The following SLC44A5 variants were observed in gnomAD, a reference collection of about 807,000 sequenced individuals.
SLC44A5 encodes solute carrier family 44 member 5.
In SLC44A5, 57 loss-of-function variants were observed where a neutral mutation model predicts 101.8. That is an observed-to-expected ratio of 0.56 (90% CI 0.45 to 0.70). SLC44A5 has a LOEUF of 0.70. Ranked by LOEUF, SLC44A5 falls within the 30% of genes least tolerant of loss-of-function variation. The pLI is 0.00. For missense variants in SLC44A5, 737 were observed against 853.1 expected (o/e 0.86, Z 1.70); for synonymous variants, 281 against 290.9 (o/e 0.97, Z 0.35).
chr1:75,674,992 C>T, the SLC44A5 span, among the ~76,000 whole-genome samples: 1 of 152,076 alleles, frequency 6.6e-6, no homozygotes, highest in Non-Finnish European at 1.5e-5. Flanking sequence ...GTACTAGTAC[C>T]ATGCTCTTTG....
chr1:75,356,547 A>G (rs1455902354), intron 3 of SLC44A5, among the ~76,000 whole-genome samples: 1 of 152,104 alleles, frequency 6.6e-6, no homozygotes, highest in Non-Finnish European at 1.5e-5. Flanking sequence ...TTTAAATTTT[A>G]AAGTAAAAAA....
chr1:75,253,689 C>T (rs1649771756), intron 6 of SLC44A5, among the ~76,000 whole-genome samples: 1 of 152,122 alleles, frequency 6.6e-6, no homozygotes, highest in Non-Finnish European at 1.5e-5. Flanking sequence ...GTATTTAAAA[C>T]TGTGAATGGT....
chr1:75,711,688 A>T, the SLC44A5 span, among the ~76,000 whole-genome samples: 1 of 152,208 alleles, frequency 6.6e-6, no homozygotes, highest in African/African-American at 2.4e-5. Context: ...CTTTCAAGGA[A>T]TATAGTGACT....
chr1:75,669,550 T>C, the SLC44A5 span, among the ~76,000 whole-genome samples: 1 of 152,246 alleles, frequency 6.6e-6, no homozygotes, highest in Non-Finnish European at 1.5e-5. Context: ...CCGAGATTGA[T>C]AAGGAGTTCT....
At chr1:75,555,749 T>G (rs943752388) in intron 1 of SLC44A5, among the ~76,000 whole-genome samples, 2 of 152,086 alleles carry the variant, frequency 1.3e-5, no homozygotes, top group Admixed American at 6.6e-5. Flanking sequence ...TGGGAAATGT[T>G]CCACTAGACT....
intron 2 of SLC44A5, among the ~76,000 whole-genome samples, chr1:75,406,382 T>C (rs760801691): frequency 6.6e-6 from 1 of 152,134 alleles, no homozygotes; most frequent in Non-Finnish European, 1.5e-5. Context: ...ATCATCCTAA[T>C]ACCAAAACCT....
rs1290407290 is a variant in SLC44A5 at position 75,211,892 on chromosome 1, T to TTC, written c.1963-342_1963-341dup. Among the ~76,000 whole-genome samples the TTC allele has an allele frequency of 7.3e-5, 11 of 150,260 alleles. No homozygotes were observed. In the Admixed American group the frequency reaches 7.3e-4, roughly 10 times the overall value. ...TCCCTTCCTCCCTTCCTTCCTTCCT[T>TTC]TCTCTCTCTCTCTTTCTCTTTCTTC... On this transcript the variant is annotated intron_variant, in intron 22 of 23. Transcript: ENST00000370859.
chr1:75,657,715 A>T, the SLC44A5 span, among the ~76,000 whole-genome samples: 1 of 152,170 alleles, frequency 6.6e-6, no homozygotes, highest in Non-Finnish European at 1.5e-5. Flanking sequence ...CAATTCAGTA[A>T]GAAAATATAA....
chr1:75,322,095 G>T (rs1389428115), intron 4 of SLC44A5, among the ~76,000 whole-genome samples: 1 of 152,096 alleles, frequency 6.6e-6, no homozygotes, highest in Non-Finnish European at 1.5e-5. Context: ...AGGATTACTT[G>T]AGGTCAGGAG....
At chr1:75,268,390 CTTTG>C (rs1264341085) in intron 6 of SLC44A5, among the ~76,000 whole-genome samples, 2 of 152,116 alleles carry the variant, frequency 1.3e-5, no homozygotes, top group Non-Finnish European at 2.9e-5. Context: ...AGGCCATCTG[CTTTG>C]TTTTTTTTCT....
intron 2 of SLC44A5, among the ~76,000 whole-genome samples, chr1:75,481,385 A>G (rs948250937): frequency 2.6e-5 from 4 of 152,218 alleles, no homozygotes; most frequent in Admixed American, 1.3e-4. Context: ...AATGGCAACA[A>G]AAGCCAAAAT....
chr1:75,712,713 A>AAAAAAC, the SLC44A5 span, among the ~76,000 whole-genome samples: 43 of 110,646 alleles, frequency 3.9e-4, 5 homozygotes, highest in Non-Finnish European at 6.7e-4. Context: ...AAAAAAAAAA[A>AAAAAAC]ATGGAAAAGA....
chr1:75,697,066 G>T, the SLC44A5 span, among the ~76,000 whole-genome samples: 1 of 152,236 alleles, frequency 6.6e-6, no homozygotes, highest in African/African-American at 2.4e-5. Flanking sequence ...ATCAAAATAT[G>T]AGCCTTATTG....
At chr1:75,349,172 A>C (rs1463128982) in intron 3 of SLC44A5, among the ~76,000 whole-genome samples, 1 of 152,120 alleles carries the variant, frequency 6.6e-6, no homozygotes, top group African/African-American at 2.4e-5. Flanking sequence ...CCTCATCTCT[A>C]CTTAAAATAT....
intron 4 of SLC44A5, among the ~76,000 whole-genome samples, chr1:75,309,085 AAC>A (rs1655111984): frequency 6.6e-6 from 1 of 152,326 alleles, no homozygotes; most frequent in East Asian, 1.9e-4. Flanking sequence ...AAAGATTGAA[AAC>A]ACTGCACTGT....
intron 2 of SLC44A5, among the ~76,000 whole-genome samples, chr1:75,472,686 A>G (rs987533010): frequency 4.6e-5 from 7 of 152,188 alleles, no homozygotes; most frequent in Non-Finnish European, 8.8e-5. Flanking sequence ...TCTTTAGATA[A>G]TATTCCCTCA....
chr1:75,654,300 G>C, the SLC44A5 span, among the ~76,000 whole-genome samples: 1 of 152,184 alleles, frequency 6.6e-6, no homozygotes. Context: ...TAAAGTTCTA[G>C]AAAGATAAAA....
chr1:75,579,472 T>G (rs1673559026), intron 1 of SLC44A5, among the ~76,000 whole-genome samples: 1 of 152,048 alleles, frequency 6.6e-6, no homozygotes, highest in Non-Finnish European at 1.5e-5. Flanking sequence ...ATAAACAAAA[T>G]GTAAGTCAGG....
At chr1:75,538,826 T>C (rs1348067706) in intron 2 of SLC44A5, among the ~76,000 whole-genome samples, 1 of 152,212 alleles carries the variant, frequency 6.6e-6, no homozygotes, top group Admixed American at 6.5e-5. Context: ...ATCTTGGGTG[T>C]CCCAGGCATT....
Sources: allele counts gnomAD v4.1 joint callset (sites outside exome capture counted in the v4.1 genomes callset), GRCh38; gene constraint gnomAD v4.1.1; transcripts MANE v1.5; gene names NCBI Gene and HGNC (gene_info 2026-07-23, HGNC 2026-07-21).